Variants in DDHD1 observed in about 807,000 individuals in gnomAD.
DDHD1 encodes DDHD domain containing 1, also known as phospholipase DDHD1.
Under a neutral mutation model 96.4 loss-of-function variants are expected in DDHD1, and 49 were observed. That is an observed-to-expected ratio of 0.51 (90% CI 0.40 to 0.64). DDHD1 has a LOEUF of 0.64. Among genes scored for constraint, DDHD1 ranks in the 30% least tolerant of loss-of-function variants. DDHD1 has a pLI of 0.00. For missense variants in DDHD1, 1,106 were observed against 1,161.2 expected (o/e 0.95, Z 0.69); for synonymous variants, 442 against 446.5 (o/e 0.99, Z 0.13).
In DDHD1 at chr14:53,039,307, T is replaced by C. The variant is rs753420626; in HGVS notation, c.*7461A>G. ...GCCACTGGATTGTGTTTAACAGCCATAGAAGGCTACCTGCATTTCAGGGCC... is the reference window on the plus strand; with the variant it reads ...GCCACTGGATTGTGTTTAACAGCCACAGAAGGCTACCTGCATTTCAGGGCC... On this transcript the variant is annotated 3_prime_UTR_variant, in exon 13 of 13. Coordinates refer to ENST00000673822, the MANE Select transcript of DDHD1 (RefSeq NM_001160148.2). 6.6e-6 allele frequency: 1 copy of C among 152,204 alleles called. No individual in the cohort carries two copies. The highest frequency in any genetic ancestry group is 1.5e-5 in the Non-Finnish European group (1 of 68,048). 9.4% of individuals were successfully genotyped at this position (152,204 alleles called of 1,614,324 possible). A position where few individuals can be genotyped will look rare whatever the true frequency, so the allele number is the denominator to read the frequency against.
chr14:53,069,989 CA>C (rs1230249388), intron 6 of DDHD1, among the ~76,000 whole-genome samples: 2 of 152,150 alleles, frequency 1.3e-5, no homozygotes, highest in Non-Finnish European at 2.9e-5. Flanking sequence ...CTATTTTATT[CA>C]GTTCCTTTCT....
intron 1 of DDHD1, among the ~76,000 whole-genome samples, chr14:53,118,154 G>A (rs946876291): frequency 2.0e-5 from 3 of 152,176 alleles, no homozygotes; most frequent in African/African-American, 2.4e-5. Context: ...AACTCCACCT[G>A]TAGGTCACCA....
intron 4 of DDHD1, among the ~76,000 whole-genome samples, chr14:53,089,780 A>G (rs1886281488): frequency 6.6e-6 from 1 of 152,236 alleles, no homozygotes; most frequent in African/African-American, 2.4e-5. Flanking sequence ...CATTCAGGAC[A>G]TAGGCATGGG....
chr14:53,141,244 A>T (rs181488504), intron 1 of DDHD1, among the ~76,000 whole-genome samples: 173 of 152,302 alleles, frequency 1.1e-3, no homozygotes, highest in Middle Eastern at 3.4e-3. Context: ...TAAAACTACC[A>T]ATTTGCCAGA....
chr14:53,092,971 C>CA (rs1449818229), intron 3 of DDHD1: 1 of 163,472 alleles, frequency 6.1e-6, no homozygotes, highest in African/African-American at 2.4e-5. Flanking sequence ...TCTAAGTCAC[C>CA]AGTGACCTCC....
intron 11 of DDHD1, chr14:53,053,348 G>C (rs1288083121): frequency 6.6e-6 from 1 of 151,978 alleles, no homozygotes; most frequent in African/African-American, 2.4e-5. Context: ...AAATATCAAA[G>C]TCTAAAAAAG....
At chr14:53,130,121 C>G (rs868229965) in intron 1 of DDHD1, among the ~76,000 whole-genome samples, 6 of 152,126 alleles carry the variant, frequency 3.9e-5, no homozygotes, top group African/African-American at 1.4e-4. Flanking sequence ...CAGGCTGAGC[C>G]AGGTCCCAAT....
At chr14:53,108,511 G>C (rs761712197) in intron 1 of DDHD1, among the ~76,000 whole-genome samples, 1 of 152,152 alleles carries the variant, frequency 6.6e-6, no homozygotes, top group African/African-American at 2.4e-5. Flanking sequence ...TGGTAACAGT[G>C]CCATTGCACT....
chr14:53,133,926 C>T (rs532681573), intron 1 of DDHD1, among the ~76,000 whole-genome samples: 9 of 152,254 alleles, frequency 5.9e-5, no homozygotes, highest in South Asian at 2.1e-4. Flanking sequence ...AACTGCCGTC[C>T]GCCTACAGGA....
intron 4 of DDHD1, among the ~76,000 whole-genome samples, chr14:53,088,130 A>C (rs1054740365): frequency 2.6e-5 from 4 of 152,200 alleles, no homozygotes; most frequent in African/African-American, 7.2e-5. Flanking sequence ...AGGAAGTTGA[A>C]TCACTGAATA....
At chr14:53,056,778 T>A (rs530663446) in intron 9 of DDHD1, among the ~76,000 whole-genome samples, 44 of 152,278 alleles carry the variant, frequency 2.9e-4, no homozygotes, top group African/African-American at 2.6e-4. Context: ...TTAATTTTTT[T>A]AAAAATCACA....
intron 1 of DDHD1, among the ~76,000 whole-genome samples, chr14:53,136,053 G>A (rs1890218687): frequency 6.6e-6 from 1 of 152,104 alleles, no homozygotes. Flanking sequence ...CACCCTAACT[G>A]ATCAATGTGC....
intron 12 of DDHD1, among the ~76,000 whole-genome samples, chr14:53,049,499 C>T (rs1332309484): frequency 6.6e-6 from 1 of 151,906 alleles, no homozygotes; most frequent in Non-Finnish European, 1.5e-5. Context: ...TACATAGTAG[C>T]ATCATTCTGT....
intron 1 of DDHD1, among the ~76,000 whole-genome samples, chr14:53,106,977 A>C (rs1315849199): frequency 6.6e-6 from 1 of 151,988 alleles, no homozygotes; most frequent in Non-Finnish European, 1.5e-5. Flanking sequence ...TACTTTTTAC[A>C]TTCTCTTGGT....
chr14:53,077,460 G>A (rs1378984073), intron 4 of DDHD1, among the ~76,000 whole-genome samples: 1 of 152,082 alleles, frequency 6.6e-6, no homozygotes, highest in Non-Finnish European at 1.5e-5. Context: ...AGGATAAATG[G>A]TTAATTCTTC....
chr14:53,125,166 T>C (rs1889331996), intron 1 of DDHD1, among the ~76,000 whole-genome samples: 1 of 152,226 alleles, frequency 6.6e-6, no homozygotes, highest in African/African-American at 2.4e-5. Context: ...GACTCCAACA[T>C]AAGACTCTTA....
chr14:53,123,400 G>A (rs1268598344), intron 1 of DDHD1, among the ~76,000 whole-genome samples: 11 of 151,652 alleles, frequency 7.3e-5, no homozygotes, highest in African/African-American at 2.2e-4. Context: ...CACCGACCTC[G>A]GCCACCCAAA....
At chr14:53,051,722 G>A (rs1292348942) in intron 12 of DDHD1, 122 bp downstream of exon 12, 3 of 759,860 alleles carry the variant, frequency 3.9e-6, no homozygotes, top group Non-Finnish European at 6.3e-6. Flanking sequence ...AAAATAGTCT[G>A]TAATGGTAAC....
chr14:53,051,963 G>A (rs769444750), intron 11 of DDHD1, 36 bp from the exon 12 acceptor site: 19 of 1,511,650 alleles, frequency 1.3e-5, no homozygotes, highest in Non-Finnish European at 1.7e-5. Context: ...GTAAAGGGTT[G>A]GCTGATGATT....
Sources: allele counts gnomAD v4.1 joint callset (sites outside exome capture counted in the v4.1 genomes callset), GRCh38; gene constraint gnomAD v4.1.1; transcripts MANE v1.5; gene names NCBI Gene and HGNC (gene_info 2026-07-23, HGNC 2026-07-21).